ETFA: variants seen among roughly 807,000 people sequenced by gnomAD.
The protein encoded by ETFA is electron transfer flavoprotein subunit alpha, mitochondrial.
ETFA carries 22 observed loss-of-function variants against 46.2 expected under a neutral mutation model. That is an observed-to-expected ratio of 0.48 (90% CI 0.34 to 0.68). The LOEUF (loss-of-function observed/expected upper bound fraction) is 0.68. Among genes scored for constraint, ETFA ranks in the 30% least tolerant of loss-of-function variants. The probability of loss-of-function intolerance (pLI) is 0.01; values close to 1 mark genes in which losing one functional copy is unlikely to be tolerated. For missense variants in ETFA, 345 were observed against 401.1 expected (o/e 0.86, Z 1.19); for synonymous variants, 131 against 139.9 (o/e 0.94, Z 0.45).
intron 9 of ETFA, chr15:76,261,062 G>C: frequency 6.4e-7 from 1 of 1,554,944 alleles, no homozygotes; most frequent in South Asian, 1.1e-5. Context: ...CAGTGGCTAT[G>C]CGAGAAGAGG....
chr15:76,297,354 TAATA>T (rs945792209), intron 1 of ETFA, among the ~76,000 whole-genome samples: 2 of 151,614 alleles, frequency 1.3e-5, no homozygotes, highest in Admixed American at 6.6e-5. Context: ...AAGGACTTTG[TAATA>T]AATAAATAAT....
chr15:76,218,063 G>A (rs2038915956), intron 11 of ETFA, among the ~76,000 whole-genome samples: 1 of 152,166 alleles, frequency 6.6e-6, no homozygotes, highest in East Asian at 1.9e-4. Context: ...CAGATGACAT[G>A]CTAACTGAGT....
At chr15:76,221,276 C>T (rs1166502516) in intron 11 of ETFA, among the ~76,000 whole-genome samples, 1 of 152,090 alleles carries the variant, frequency 6.6e-6, no homozygotes. Context: ...CAGGACTGGC[C>T]AATGTATAGA....
intron 8 of ETFA, among the ~76,000 whole-genome samples, chr15:76,274,905 C>T (rs1048150401): frequency 2.0e-5 from 3 of 152,070 alleles, no homozygotes; most frequent in Admixed American, 2.0e-4. Flanking sequence ...TAAAATTTAA[C>T]AGACTTTCTA....
chr15:76,224,433 G>A (rs2038985243), intron 11 of ETFA, among the ~76,000 whole-genome samples: 1 of 152,256 alleles, frequency 6.6e-6, no homozygotes, highest in African/African-American at 2.4e-5. Flanking sequence ...CTGAGCCAGA[G>A]CAAGAGCCCC....
intron 9 of ETFA, among the ~76,000 whole-genome samples, chr15:76,248,438 T>C (rs2039264513): frequency 6.6e-6 from 1 of 152,020 alleles, no homozygotes; most frequent in Non-Finnish European, 1.5e-5. Flanking sequence ...TTAAAACTTT[T>C]AGAAAAAAAT....
At chr15:76,239,092 G>T (rs1458143560) in intron 9 of ETFA, among the ~76,000 whole-genome samples, 1 of 152,142 alleles carries the variant, frequency 6.6e-6, no homozygotes, top group African/African-American at 2.4e-5. Context: ...CAGTAACTAT[G>T]CTGTACTTTA....
At chr15:76,254,315 C>G (rs1015404841) in intron 9 of ETFA, among the ~76,000 whole-genome samples, 6 of 152,132 alleles carry the variant, frequency 3.9e-5, no homozygotes, top group Non-Finnish European at 8.8e-5. Context: ...GGCTGACCCC[C>G]GCATTAGGCA....
At chr15:76,268,946 T>C (rs768371705) in intron 9 of ETFA, among the ~76,000 whole-genome samples, 2 of 152,246 alleles carry the variant, frequency 1.3e-5, no homozygotes, top group Non-Finnish European at 2.9e-5. Context: ...CCCTTGATAT[T>C]GTAAAACTAA....
chr15:76,297,745 CTCAGTCCA>C (rs2039839759), intron 1 of ETFA, among the ~76,000 whole-genome samples: 1 of 152,268 alleles, frequency 6.6e-6, no homozygotes, highest in Middle Eastern at 3.4e-3. Context: ...TAAGAACCCA[CTCAGTCCA>C]TCTAGCTGAT....
At chr15:76,246,042 A>G (rs2039240137) in intron 9 of ETFA, among the ~76,000 whole-genome samples, 2 of 152,234 alleles carry the variant, frequency 1.3e-5, no homozygotes, top group South Asian at 4.1e-4. Flanking sequence ...ACAAAATAAA[A>G]CAAAATCTCT....
At chr15:76,260,095 T>C in intron 9 of ETFA, 2 of 1,487,230 alleles carry the variant, frequency 1.3e-6, no homozygotes, top group Non-Finnish European at 1.9e-6. Context: ...ATCCTCCTGC[T>C]TCAGCTGGGC....
chr15:76,279,839 T>C (rs1460975779), intron 8 of ETFA, among the ~76,000 whole-genome samples: 1 of 152,056 alleles, frequency 6.6e-6, no homozygotes. Flanking sequence ...CTTTCTCCTT[T>C]TCTCTCTTAG....
At chr15:76,248,757 G>C (rs767265951) in intron 9 of ETFA, among the ~76,000 whole-genome samples, 23 of 152,104 alleles carry the variant, frequency 1.5e-4, no homozygotes, top group Non-Finnish European at 3.2e-4. Context: ...GGCACCTGTA[G>C]TCCCAGCTAC....
chr15:76,236,856 T>C (rs1490028988), intron 9 of ETFA, among the ~76,000 whole-genome samples: 2 of 152,216 alleles, frequency 1.3e-5, no homozygotes, highest in Non-Finnish European at 2.9e-5. Context: ...CTCCAGTAAC[T>C]TATATTTAGT....
intron 8 of ETFA, among the ~76,000 whole-genome samples, chr15:76,277,737 A>G (rs2039609547): frequency 6.6e-6 from 1 of 152,154 alleles, no homozygotes; most frequent in African/African-American, 2.4e-5. Context: ...TCCTGGCCTC[A>G]AATGATCTGC....
intron 9 of ETFA, among the ~76,000 whole-genome samples, chr15:76,257,334 T>A (rs1449787096): frequency 6.6e-6 from 1 of 152,178 alleles, no homozygotes; most frequent in Non-Finnish European, 1.5e-5. Context: ...CCTTTGTTAG[T>A]CTTAAGATAT....
chr15:76,235,819 A>G (rs8033926), intron 9 of ETFA, among the ~76,000 whole-genome samples: 6,216 of 152,278 alleles, frequency 0.041, 392 homozygotes, highest in African/African-American at 0.14. Context: ...TTAGGGGACA[A>G]TATCTTTACC....
At chr15:76,290,687 A>G (rs1177594109) in intron 4 of ETFA, among the ~76,000 whole-genome samples, 2 of 152,144 alleles carry the variant, frequency 1.3e-5, no homozygotes, top group Non-Finnish European at 2.9e-5. Context: ...AATTCATGCC[A>G]TATTATCCCA....
Sources: gnomAD v4.1 joint callset for allele counts (sites outside exome capture counted in the v4.1 genomes callset) on GRCh38, gnomAD v4.1.1 for gene constraint, MANE v1.5 for transcripts, NCBI Gene and HGNC (gene_info 2026-07-23, HGNC 2026-07-21) for gene names.